The following TAB2 variants were observed in gnomAD, a reference collection of about 807,000 sequenced individuals.
TAB2 encodes TGF-beta-activated kinase 1 and MAP3K7-binding protein 2.
Under a neutral mutation model 65.0 loss-of-function variants are expected in TAB2, and 3 were observed. That is an observed-to-expected ratio of 0.05 (90% CI 0.02 to 0.12). The LOEUF (loss-of-function observed/expected upper bound fraction) is 0.12, where lower values mean the gene tolerates loss of function less well. TAB2 is among the 10% of genes least tolerant of loss of function. The pLI, the probability that TAB2 is intolerant of heterozygous loss-of-function variation, is 1.00. For missense variants in TAB2, 623 were observed against 840.3 expected, an observed-to-expected ratio of 0.74 and a Z score of 3.20; for synonymous variants, 298 against 285.1, an observed-to-expected ratio of 1.05 and a Z score of -0.46.
At chr6:149,312,554 C>T (rs548690119) in intron 1 of TAB2, among the ~76,000 whole-genome samples, 8 of 152,214 alleles carry the variant, frequency 5.3e-5, no homozygotes, top group South Asian at 2.1e-4. Context: ...GTAGAGATGG[C>T]GTTTCGCCAT....
intron 1 of TAB2, among the ~76,000 whole-genome samples, chr6:149,228,746 A>G (rs1355280988): frequency 6.6e-6 from 1 of 152,242 alleles, no homozygotes; most frequent in African/African-American, 2.4e-5. Context: ...TCAACCCTTT[A>G]AATGTGTTCG....
At chr6:149,402,048 G>A (rs566986329) in intron 6 of TAB2, among the ~76,000 whole-genome samples, 3 of 141,734 alleles carry the variant, frequency 2.1e-5, no homozygotes, top group African/African-American at 2.6e-5. Context: ...ACCAGTAGAA[G>A]AACAACAAGC....
chr6:149,287,618 C>A (rs1262157737), intron 1 of TAB2, among the ~76,000 whole-genome samples: 2 of 152,152 alleles, frequency 1.3e-5, no homozygotes, highest in South Asian at 2.1e-4. Context: ...TCCTAGCCAG[C>A]AGACAAAACA....
chr6:149,403,948 G>A (rs1225740840), intron 6 of TAB2, among the ~76,000 whole-genome samples: 1 of 152,038 alleles, frequency 6.6e-6, no homozygotes, highest in Non-Finnish European at 1.5e-5. Flanking sequence ...TATAAGGTTT[G>A]GGGAGGACAA....
intron 1 of TAB2, among the ~76,000 whole-genome samples, chr6:149,257,204 C>G (rs1270911702): frequency 6.6e-6 from 1 of 152,164 alleles, no homozygotes; most frequent in Non-Finnish European, 1.5e-5. Flanking sequence ...TAAGCACGTC[C>G]ACGGAAAGTA....
chr6:149,310,082 G>A (rs182603800), intron 1 of TAB2, among the ~76,000 whole-genome samples: 16 of 115,796 alleles, frequency 1.4e-4, no homozygotes, highest in Admixed American at 9.7e-4. Context: ...CTGAAATCCC[G>A]GCAATTTAGG....
chr6:149,383,134 A>G (rs574529205), intron 3 of TAB2, among the ~76,000 whole-genome samples: 2 of 152,114 alleles, frequency 1.3e-5, no homozygotes, highest in Non-Finnish European at 2.9e-5. Flanking sequence ...CAGCCTGGCA[A>G]CAGAGTGAGA....
At chr6:149,353,257 TTGCTGC>T (rs909099838) in intron 1 of TAB2, among the ~76,000 whole-genome samples, 5 of 152,088 alleles carry the variant, frequency 3.3e-5, no homozygotes, top group Non-Finnish European at 7.4e-5. Context: ...TGGATTGCTT[TTGCTGC>T]TGCTGCTGCT....
chr6:149,366,516 C>G lies in TAB2; in HGVS notation c.-89-3393C>G, dbSNP rs141437140. 5.3e-5 allele frequency among the ~76,000 whole-genome samples: 8 copies of G among 152,214 alleles called. No homozygotes were observed. In the East Asian group the frequency reaches 1.5e-3, roughly 29 times the overall value. Reference sequence around the variant, plus strand: ...GCAAGTAAGACTGCAGGTTTTTTATCTGAGTGTTAGCTACCCAAACTAACT... The same window carrying G: ...GCAAGTAAGACTGCAGGTTTTTTATGTGAGTGTTAGCTACCCAAACTAACT... On this transcript the variant is annotated intron_variant, in intron 1 of 6. Coordinates refer to ENST00000637181, the MANE Select transcript of TAB2 (RefSeq NM_001292034.3).
At chr6:149,313,430 C>T (rs1159959522), upstream of TAB2, among the ~76,000 whole-genome samples, 2 of 152,148 alleles carry the variant, frequency 1.3e-5, no homozygotes, top group Non-Finnish European at 1.5e-5. Flanking sequence ...CCTGTTTGCA[C>T]CTCTCCGTCC....
At chr6:149,254,079 A>AC (rs1777944578) in intron 1 of TAB2, among the ~76,000 whole-genome samples, 1 of 106,426 alleles carries the variant, frequency 9.4e-6, no homozygotes, top group Non-Finnish European at 2.1e-5. Flanking sequence ...GGAAGGAAGG[A>AC]AGGAAGGAAG....
rs1278606420 is a variant in TAB2, at chr6:149,378,595, G to A, written c.680G>A (p.Arg227Gln). The A allele has an allele frequency of 9.9e-6, 16 of 1,613,414 alleles. No individual in the cohort carries two copies. The highest frequency in any genetic ancestry group is 1.7e-5 in the Admixed American group (1 of 59,990). Reference sequence around the variant, plus strand: ...ATTACAACTCCTGGTGGTACAACTCGACAGACACAACAGCATTCTGGCTGG... The same window carrying A: ...ATTACAACTCCTGGTGGTACAACTCAACAGACACAACAGCATTCTGGCTGG... The part of the protein sequence containing the change: ...PYITTPGGTT[R>Q]QTQQHSGWVS... Residue 227 changes from arginine (R) to glutamine (Q), a missense_variant, in exon 3 of 7, where the codon CGA becomes CAA. Physicochemically the swap from Arg to Gln is conservative, Grantham distance 43. Transcript: ENST00000637181.
intron 1 of TAB2, among the ~76,000 whole-genome samples, chr6:149,343,142 A>G (rs181735458): frequency 6.6e-6 from 1 of 152,308 alleles, no homozygotes; most frequent in African/African-American, 2.4e-5. Context: ...ATCAACAACA[A>G]CAAAACTGCC....
intron 3 of TAB2, among the ~76,000 whole-genome samples, chr6:149,390,801 A>AT (rs549226411): frequency 6.6e-6 from 1 of 151,966 alleles, no homozygotes; most frequent in Non-Finnish European, 1.5e-5. Context: ...GATACTGAAT[A>AT]TTTTTTTCTT....
chr6:149,266,170 A>G lies in TAB2; in HGVS notation c.-121+47394A>G, dbSNP rs139046879. On this transcript the variant is annotated intron_variant, in intron 1 of 1. Transcript: ENST00000606202. ...TTGGATGTAAAAGAAAGCAGGAATC[A>G]AATGCATGTGCAGAAAGGATGTGTG... is the stretch of plus-strand genomic sequence containing the variant. 1.4e-3 allele frequency among the ~76,000 whole-genome samples: 214 copies of G among 152,340 alleles called. 1 individual carries two copies. Among genetic ancestry groups the G allele is most frequent in the Non-Finnish European group, 2.5e-3 (169 of 68,028 alleles).
chr6:149,315,164 C>T (rs1026978635), upstream of TAB2, among the ~76,000 whole-genome samples: 1 of 152,172 alleles, frequency 6.6e-6, no homozygotes, highest in Non-Finnish European at 1.5e-5. Flanking sequence ...CAGTCCTCCT[C>T]TTAGTGAGAT....
intron 1 of TAB2, among the ~76,000 whole-genome samples, chr6:149,260,318 G>C (rs992183864): frequency 6.6e-6 from 1 of 152,228 alleles, no homozygotes; most frequent in African/African-American, 2.4e-5. Flanking sequence ...GAGAGAGGTT[G>C]AGCTGAAAGC....
At chr6:149,346,625 T>C (rs2114793238) in intron 1 of TAB2, 1 of 152,146 alleles carries the variant, frequency 6.6e-6, no homozygotes, top group East Asian at 1.9e-4. Flanking sequence ...AGCTAATTTT[T>C]GTATTTTTAG....
intron 1 of TAB2, among the ~76,000 whole-genome samples, chr6:149,275,155 T>G: frequency 7.7e-6 from 1 of 129,090 alleles, no homozygotes; most frequent in Non-Finnish European, 1.6e-5. Context: ...AGTTGGAGTC[T>G]TGCTCTATTG....
Sources: gnomAD v4.1 joint callset for allele counts (sites outside exome capture counted in the v4.1 genomes callset) on GRCh38, gnomAD v4.1.1 for gene constraint, MANE v1.5 for transcripts, NCBI Gene and HGNC (gene_info 2026-07-23, HGNC 2026-07-21) for gene names.